The following CCDC69 variants were observed in gnomAD, a reference collection of about 807,000 sequenced individuals.
CCDC69 encodes the protein coiled-coil domain-containing protein 69.
CCDC69 carries 38 observed loss-of-function variants against 40.3 expected under a neutral mutation model. The ratio of observed to expected loss-of-function variants is 0.94; its 90% CI spans 0.73 to 1.24. The LOEUF is 1.24. Ranked by LOEUF, CCDC69 falls within the 50% of genes most tolerant of loss-of-function variation. The probability of loss-of-function intolerance (pLI) is 0.00; values close to 1 mark genes in which losing one functional copy is unlikely to be tolerated. For synonymous variants in CCDC69, 141 were observed against 138.9 expected (o/e 1.02, Z -0.11); for missense variants, 389 against 357.9 (o/e 1.09, Z -0.70).
chr5:151,183,650 G>A (rs750015532), intron 8 of CCDC69, 36 bp from the exon 9 acceptor site: 2 of 1,563,142 alleles, frequency 1.3e-6, no homozygotes, highest in East Asian at 2.3e-5. Flanking sequence ...TTGCCTACTG[G>A]GAGCAGCTGC....
chr5:151,196,152 T>C (rs748328984), intron 4 of CCDC69, among the ~76,000 whole-genome samples: 3 of 152,118 alleles, frequency 2.0e-5, no homozygotes, highest in Non-Finnish European at 4.4e-5. Context: ...ATGTGTTTTG[T>C]TGTTTTGTTT....
At chr5:151,196,045 C>T (rs1390893679) in intron 4 of CCDC69, among the ~76,000 whole-genome samples, 1 of 152,166 alleles carries the variant, frequency 6.6e-6, no homozygotes, top group African/African-American at 2.4e-5. Context: ...CCTTTATAAA[C>T]ATTTTAGTAG....
chr5:151,219,734 G>T (rs546658916), intron 1 of CCDC69, among the ~76,000 whole-genome samples: 35 of 152,182 alleles, frequency 2.3e-4, no homozygotes, highest in African/African-American at 8.4e-4. Flanking sequence ...GAGATTAAAA[G>T]ATTTTTTAAT....
intron 4 of CCDC69, among the ~76,000 whole-genome samples, chr5:151,197,300 G>A (rs1752713324): frequency 6.6e-6 from 1 of 152,158 alleles, no homozygotes; most frequent in African/African-American, 2.4e-5. Flanking sequence ...GGCCGAGGTG[G>A]GCGGATCACT....
chr5:151,212,507 A>G (rs1430067713), intron 1 of CCDC69, among the ~76,000 whole-genome samples: 2 of 152,350 alleles, frequency 1.3e-5, no homozygotes, highest in East Asian at 3.9e-4. Context: ...AAGCAGACAG[A>G]GTCAGGGTAG....
At chr5:151,193,342 CA>C (rs35463341) in intron 4 of CCDC69, among the ~76,000 whole-genome samples, 2,473 of 77,566 alleles carry the variant, frequency 0.032, 19 homozygotes, top group Non-Finnish European at 0.036. Context: ...CTCATTTCTA[CA>C]AAAAAAAAAA....
chr5:151,223,676 C>G (rs879824640), intron 1 of CCDC69, among the ~76,000 whole-genome samples: 1 of 152,170 alleles, frequency 6.6e-6, no homozygotes, highest in Non-Finnish European at 1.5e-5. Context: ...CCCGAGGCAG[C>G]GGGAATCAGC....
chr5:151,216,589 T>C (rs534515617), intron 1 of CCDC69, among the ~76,000 whole-genome samples: 82 of 151,702 alleles, frequency 5.4e-4, no homozygotes, highest in African/African-American at 1.9e-3. Context: ...CTAATTTTTG[T>C]ATTTTTAGTA....
intron 8 of CCDC69, 148 bp downstream of exon 8, chr5:151,184,196 G>A (rs962266977): frequency 3.2e-5 from 20 of 630,916 alleles, no homozygotes; most frequent in African/African-American, 2.2e-4. Flanking sequence ...TGGGTTTCTT[G>A]ACTCCCAGGG....
chr5:151,185,468 T>A lies in CCDC69; in HGVS notation c.569A>T (p.Glu190Val), dbSNP rs1214770395. The change falls in exon 7 of 9, where the codon GAG becomes GTG. Residue 190 changes from glutamate (E) to valine (V), a missense_variant. By Grantham distance (121) the Glu-to-Val change is moderately radical. Transcript: ENST00000355417. ...SLHFVIEMKN[E>V]RIHELDRRLI... The stretch of plus-strand genomic sequence containing the variant: ...CCGCCTGTCCAGCTCATGAATACGC[T>A]CATTCTTCATCTCGATGACAAAGTG... 2 of 1,613,976 alleles carry A rather than the reference T, an allele frequency of 1.2e-6. No individual in the cohort carries two copies. Among genetic ancestry groups the A allele is most frequent in the Admixed American group, 3.3e-5 (2 of 60,016 alleles).
rs552934853 is a variant in CCDC69, at chr5:151,196,303, G to A, written c.319+2694C>T. On this transcript the variant is annotated intron_variant, in intron 4 of 8. Transcript: ENST00000355417. ...AGTATCCTGAGTAGCTGGGATTATA[G>A]GTGCACACCACCACACCAGACTAAT... Among the ~76,000 whole-genome samples the A allele has an allele frequency of 2.6e-5, 4 of 152,146 alleles. No individual in the cohort carries two copies. The South Asian group carries it at 8.3e-4, about 32-fold the overall frequency.
chr5:151,181,978 G>A lies in CCDC69; in HGVS notation c.*1459C>T, dbSNP rs1045926799. On this transcript the variant is annotated 3_prime_UTR_variant, in exon 9 of 9. Transcript: ENST00000355417. The stretch of plus-strand genomic sequence containing the variant: ...ACTTCTAAACCTAGAAACAGAAGGA[G>A]ACTGTACACAGGGGAATACAGAAGG... 2.0e-5 allele frequency: 3 copies of A among 152,238 alleles called. No homozygotes were observed. Among genetic ancestry groups the A allele is most frequent in the Non-Finnish European group, 4.4e-5 (3 of 68,076 alleles). 9.4% of individuals were successfully genotyped at this position (152,238 alleles called of 1,614,324 possible). A position where few individuals can be genotyped will look rare whatever the true frequency, so the allele number is the denominator to read the frequency against.
chr5:151,191,911 T>A (rs1181944544), intron 4 of CCDC69, among the ~76,000 whole-genome samples: 1 of 151,614 alleles, frequency 6.6e-6, no homozygotes, highest in Non-Finnish European at 1.5e-5. Flanking sequence ...TAGAGAGACC[T>A]GCCTCTGTTA....
rs753061772 is a variant in CCDC69, at chr5:151,201,642, C to T, written c.171G>A (p.Gln57=). 6.2e-7 allele frequency: 1 copy of T among 1,613,726 alleles called. No individual in the cohort carries two copies. The highest frequency in any genetic ancestry group is 1.1e-5 in the South Asian group (1 of 90,982). The change falls in exon 3 of 9, where the codon CAG becomes CAA. Residue 57 remains glutamine (Q), a synonymous_variant. Transcript: ENST00000355417. ...LCASEEAERH[Q]KDITRILQQH... is the part of the protein sequence containing the mutation. ...GCTGGAGAATTCTGGTTATATCCTTCTGGTGCCGCTCAGCCTCCTCTGATG... is the reference window on the plus strand; with the variant it reads ...GCTGGAGAATTCTGGTTATATCCTTTTGGTGCCGCTCAGCCTCCTCTGATG...
In CCDC69 at chr5:151,186,027, ATATGTTTCT is replaced by A; in HGVS notation, c.482_490del (p.Lys161_His163del). 6.2e-7 allele frequency: 1 copy of A among 1,612,530 alleles called. No homozygotes were observed. The highest frequency in any genetic ancestry group is 8.5e-7 in the Non-Finnish European group (1 of 1,178,680). On this transcript the variant is annotated inframe_deletion, in exon 6 of 9. Coordinates refer to ENST00000355417, the MANE Select transcript of CCDC69 (RefSeq NM_015621.3). ...GCCCAGGGTGCTGCCACCTACCTGG[ATATGTTTCT>A]TATAGTTTCGGCTCAGAATGGACTC...
chr5:151,207,494 T>A (rs906227185), intron 1 of CCDC69, among the ~76,000 whole-genome samples: 3 of 150,972 alleles, frequency 2.0e-5, no homozygotes, highest in Non-Finnish European at 4.4e-5. Flanking sequence ...AGTTTCACCG[T>A]GTTGGCCAGG....
chr5:151,205,811 C>T (rs1036537318), intron 1 of CCDC69, among the ~76,000 whole-genome samples: 2 of 152,206 alleles, frequency 1.3e-5, no homozygotes, highest in Non-Finnish European at 2.9e-5. Flanking sequence ...TCTGGCCGGA[C>T]CTGCTATTAC....
chr5:151,222,260 AC>A (rs1402005338), intron 1 of CCDC69, among the ~76,000 whole-genome samples: 8 of 152,210 alleles, frequency 5.3e-5, no homozygotes, highest in African/African-American at 1.9e-4. Context: ...TCCAACTCAG[AC>A]AGGCTGTGCC....
At chr5:151,219,265 C>T (rs148747335) in intron 1 of CCDC69, among the ~76,000 whole-genome samples, 165 of 152,308 alleles carry the variant, frequency 1.1e-3, no homozygotes, top group African/African-American at 3.7e-3. Context: ...CTCCCATATT[C>T]CTTCTGCCTA....
Sources: gnomAD v4.1 joint callset for allele counts (sites outside exome capture counted in the v4.1 genomes callset) on GRCh38, gnomAD v4.1.1 for gene constraint, MANE v1.5 for transcripts, NCBI Gene and HGNC (gene_info 2026-07-23, HGNC 2026-07-21) for gene names.